RPS6KA5: variants seen among roughly 807,000 people sequenced by gnomAD.
RPS6KA5 encodes ribosomal protein S6 kinase alpha-5.
Under a neutral mutation model 85.5 loss-of-function variants are expected in RPS6KA5, and 27 were observed. That is an observed-to-expected ratio of 0.32 (90% CI 0.23 to 0.44). The LOEUF is 0.44. Among genes scored for constraint, RPS6KA5 ranks in the 20% least tolerant of loss-of-function variants. RPS6KA5 has a pLI of 1.00. For synonymous variants in RPS6KA5, 334 were observed against 348.2 expected (o/e 0.96, Z 0.46); for missense variants, 811 against 980.9 (o/e 0.83, Z 2.31).
At chr14:90,951,533 A>C (rs1481728849) in intron 3 of RPS6KA5, among the ~76,000 whole-genome samples, 1 of 152,154 alleles carries the variant, frequency 6.6e-6, no homozygotes, top group Non-Finnish European at 1.5e-5. Flanking sequence ...AAAAATTTTG[A>C]GCGCCCATCT....
chr14:90,931,271 A>C (rs2036962520), intron 5 of RPS6KA5, among the ~76,000 whole-genome samples: 1 of 152,218 alleles, frequency 6.6e-6, no homozygotes, highest in Non-Finnish European at 1.5e-5. Flanking sequence ...ATGCTAAGTG[A>C]AATAGTCACA....
At chr14:90,958,625 T>A (rs1433708544) in intron 3 of RPS6KA5, among the ~76,000 whole-genome samples, 2 of 152,134 alleles carry the variant, frequency 1.3e-5, no homozygotes, top group Non-Finnish European at 2.9e-5. Flanking sequence ...AAAGAATATA[T>A]CTTCCTAAGG....
chr14:90,999,426 C>A (rs981220792), intron 2 of RPS6KA5, among the ~76,000 whole-genome samples: 1 of 152,076 alleles, frequency 6.6e-6, no homozygotes, highest in East Asian at 1.9e-4. Context: ...TAAACTGCAG[C>A]GGGGAAGAAA....
At chr14:91,044,082 C>T (rs1801356903) in intron 1 of RPS6KA5, among the ~76,000 whole-genome samples, 1 of 151,902 alleles carries the variant, frequency 6.6e-6, no homozygotes, top group Non-Finnish European at 1.5e-5. Context: ...CAAAAATTAG[C>T]TGGGCATGGT....
At chr14:91,050,251 T>C (rs1264578087) in intron 1 of RPS6KA5, among the ~76,000 whole-genome samples, 2 of 152,106 alleles carry the variant, frequency 1.3e-5, no homozygotes, top group African/African-American at 4.8e-5. Context: ...CATGGTGGTA[T>C]GTGCCTACAG....
At chr14:90,979,605 T>C (rs1040603607) in intron 2 of RPS6KA5, among the ~76,000 whole-genome samples, 1 of 152,250 alleles carries the variant, frequency 6.6e-6, no homozygotes, top group African/African-American at 2.4e-5. Flanking sequence ...CTCCGTATGT[T>C]ATTCAGTTCA....
chr14:90,868,271 T>A lies in RPS6KA5; in HGVS notation c.*3803A>T, dbSNP rs1172564822. ...TTCTTGAGTTTTACAATGTCTCCTA[T>A]CCAAACTTCAAATTTCATTAGAGCC... On this transcript the variant is annotated 3_prime_UTR_variant, in exon 17 of 17. Coordinates refer to ENST00000614987, the MANE Select transcript of RPS6KA5 (RefSeq NM_004755.4). 6.6e-6 allele frequency: 1 copy of A among 152,134 alleles called. No individual in the cohort carries two copies. The highest frequency in any genetic ancestry group is 2.4e-5 in the African/African-American group (1 of 41,424). 9.4% of individuals were successfully genotyped at this position (152,134 alleles called of 1,614,324 possible). A position where few individuals can be genotyped will look rare whatever the true frequency, so the allele number is the denominator to read the frequency against.
rs778314755 is a variant in RPS6KA5 at position 90,914,863 on chromosome 14, G to A, written c.806+5343C>T. Among the ~76,000 whole-genome samples the A allele has an allele frequency of 3.3e-5, 5 of 152,186 alleles. No homozygotes were observed. In the South Asian group the frequency reaches 6.2e-4, roughly 19 times the overall value. On this transcript the variant is annotated intron_variant, in intron 7 of 16. Transcript: ENST00000614987. ...AGTCCGGAGCTGCTGCAATTGCCTC[G>A]TGTAGACGAATGTGTAGATGAGTAG... is the stretch of plus-strand genomic sequence containing the variant.
At position 90,872,236 on chromosome 14, in the gene RPS6KA5, A is replaced by C; in HGVS notation, c.2247T>G (p.Thr749=). ...TGCTGCGCGTCTCGGTACTGGTGCTAGTCTTTTTCATTTTTCTTCTCTTAG... is the reference window on the plus strand; with the variant it reads ...TGCTGCGCGTCTCGGTACTGGTGCTCGTCTTTTTCATTTTTCTTCTCTTAG... The part of the protein sequence containing the change: ...PLAKRRKMKK[T]STSTETRSSS... The change falls in exon 17 of 17, where the codon ACT becomes ACG. Residue 749 remains threonine (T), a synonymous_variant. Coordinates refer to ENST00000614987, the MANE Select transcript of RPS6KA5 (RefSeq NM_004755.4). 6.2e-7 allele frequency: 1 copy of C among 1,614,022 alleles called. No homozygotes were observed. The highest frequency in any genetic ancestry group is 1.1e-5 in the South Asian group (1 of 91,060).
At chr14:90,887,025 A>C (rs2034271515) in intron 14 of RPS6KA5, among the ~76,000 whole-genome samples, 1 of 152,210 alleles carries the variant, frequency 6.6e-6, no homozygotes, top group African/African-American at 2.4e-5. Flanking sequence ...CTTCAAATAA[A>C]TTTTGTGCTT....
chr14:91,019,231 C>G (rs2041636611), intron 1 of RPS6KA5, among the ~76,000 whole-genome samples: 1 of 152,056 alleles, frequency 6.6e-6, no homozygotes, highest in South Asian at 2.1e-4. Flanking sequence ...GATATTTGGT[C>G]AAACAAACAC....
intron 1 of RPS6KA5, among the ~76,000 whole-genome samples, chr14:91,022,799 A>G (rs1464499409): frequency 6.6e-6 from 1 of 152,140 alleles, no homozygotes; most frequent in Non-Finnish European, 1.5e-5. Context: ...AGATTTGTGT[A>G]CTACTGTCCG....
At chr14:90,923,014 A>C in intron 6 of RPS6KA5, 99 bp downstream of exon 6, 1 of 815,732 alleles carries the variant, frequency 1.2e-6, no homozygotes, top group Non-Finnish European at 2.0e-6. Context: ...TCAACACCAG[A>C]AAGACGGCTC....
At chr14:90,894,688 C>T in intron 12 of RPS6KA5, 105 bp from the exon 13 acceptor site, 2 of 1,285,742 alleles carry the variant, frequency 1.6e-6, no homozygotes, top group Admixed American at 5.3e-5. Context: ...TTAAATAATC[C>T]CCTGTTAAAA....
intron 7 of RPS6KA5, among the ~76,000 whole-genome samples, chr14:90,914,755 G>A (rs2140274472): frequency 6.6e-6 from 1 of 152,338 alleles, no homozygotes; most frequent in Non-Finnish European, 1.5e-5. Flanking sequence ...GAAAGAAGAT[G>A]CAGAGCTGAG....
rs2032520899 is a variant in RPS6KA5 at position 90,861,026 on chromosome 14, G to A, written c.*11048C>T. 6.6e-6 allele frequency: 1 copy of A among 151,220 alleles called. No individual in the cohort carries two copies. The highest frequency in any genetic ancestry group is 1.5e-5 in the Non-Finnish European group (1 of 67,984). The allele number at this position is 151,220 out of a possible 1,614,324, so 9.4% of individuals were successfully genotyped here. A position where few individuals can be genotyped will look rare whatever the true frequency, so the allele number is the denominator to read the frequency against. On this transcript the variant is annotated 3_prime_UTR_variant, in exon 17 of 17. Transcript: ENST00000614987. ...CCTGCCTCAGCCTCCCAAGTAGCTA[G>A]GATTACAGGCATGCACTACCACTCC... is the stretch of plus-strand genomic sequence containing the variant.
intron 13 of RPS6KA5, 160 bp downstream of exon 13, chr14:90,894,253 T>C (rs2034711101): frequency 3.2e-6 from 4 of 1,253,556 alleles, no homozygotes; most frequent in Non-Finnish European, 4.0e-6. Context: ...GACTGAAATA[T>C]AAAAGAAAAA....
At chr14:90,874,950 T>C (rs1369566206) in intron 15 of RPS6KA5, among the ~76,000 whole-genome samples, 1 of 152,020 alleles carries the variant, frequency 6.6e-6, no homozygotes. Context: ...TCAAAAAGTA[T>C]TGGTTTGTTT....
Position 90,906,404 on chromosome 14 carries a change from T to C in RPS6KA5, c.807-105A>G, listed in dbSNP as rs536295304. On this transcript the variant is annotated intron_variant, in intron 7 of 16. Coordinates refer to ENST00000614987, the MANE Select transcript of RPS6KA5 (RefSeq NM_004755.4). ...CTGAACCACATGTGAAAGAGAGATA[T>C]AAATACTTAACATGAATCAATAATA... 23 of 858,564 alleles carry C rather than the reference T, an allele frequency of 2.7e-5. No individual in the cohort carries two copies. In the East Asian group the frequency reaches 3.0e-4, roughly 11 times the overall value. 53.2% of individuals were successfully genotyped at this position (858,564 alleles called of 1,614,324 possible).
Sources: gnomAD v4.1 joint callset for allele counts (sites outside exome capture counted in the v4.1 genomes callset) on GRCh38, gnomAD v4.1.1 for gene constraint, MANE v1.5 for transcripts, NCBI Gene and HGNC (gene_info 2026-07-23, HGNC 2026-07-21) for gene names.